The following ZDHHC18 variants were observed in gnomAD, a reference collection of about 807,000 sequenced individuals.
The protein encoded by ZDHHC18 is zDHHC palmitoyltransferase 18.
In ZDHHC18, 23 loss-of-function variants were observed where a neutral mutation model predicts 37.5. That is an observed-to-expected ratio of 0.61 (90% CI 0.44 to 0.87). ZDHHC18 has a LOEUF of 0.87. ZDHHC18 is among the 40% of genes least tolerant of loss of function. ZDHHC18 has a pLI of 0.00. For missense variants in ZDHHC18, 406 were observed against 525.6 expected (o/e 0.77, Z 2.22); for synonymous variants, 185 against 218.7 (o/e 0.85, Z 1.36).
rs553778937 is a variant in ZDHHC18, at chr1:26,833,418, TTTAGG to T, written c.496+813_496+817del. Among the ~76,000 whole-genome samples the T allele has an allele frequency of 2.3e-3, 345 of 152,044 alleles. 1 individual carries two copies. Among genetic ancestry groups the T allele is most frequent in the Non-Finnish European group, 4.1e-3 (280 of 67,966 alleles). Reference sequence around the variant, plus strand: ...CAGTAGGTGTTGGGGAGTGGGCTAGTTTAGGTCAGGTGGTCAGGGGAGACCTCTAG... The same window carrying T: ...CAGTAGGTGTTGGGGAGTGGGCTAGTTCAGGTGGTCAGGGGAGACCTCTAG... On this transcript the variant is annotated intron_variant, in intron 2 of 7. Coordinates refer to ENST00000374142, the MANE Select transcript of ZDHHC18 (RefSeq NM_032283.3).
intron 2 of ZDHHC18, among the ~76,000 whole-genome samples, chr1:26,837,272 A>G (rs1214637259): frequency 6.8e-6 from 1 of 146,946 alleles, no homozygotes; most frequent in Non-Finnish European, 1.5e-5. Context: ...ATATATATAT[A>G]TATATAAAAT....
intron 7 of ZDHHC18, 22 bp downstream of exon 7, chr1:26,852,887 G>T: frequency 6.2e-7 from 1 of 1,610,432 alleles, no homozygotes; most frequent in Non-Finnish European, 8.5e-7. Flanking sequence ...GGGTGCGGAA[G>T]AGGGGTAACA....
chr1:26,853,420 A>G (rs544506840), intron 7 of ZDHHC18, among the ~76,000 whole-genome samples: 1 of 152,248 alleles, frequency 6.6e-6, no homozygotes, highest in Admixed American at 6.5e-5. Context: ...TTTCATAGTC[A>G]TCAAATACCT....
intron 2 of ZDHHC18, among the ~76,000 whole-genome samples, chr1:26,835,565 G>A (rs2081607544): frequency 6.6e-6 from 1 of 152,148 alleles, no homozygotes; most frequent in Non-Finnish European, 1.5e-5. Context: ...GCTGGGCATG[G>A]TGGCGTGTGC....
chr1:26,837,669 G>A (rs558169275), intron 2 of ZDHHC18, among the ~76,000 whole-genome samples: 1 of 151,632 alleles, frequency 6.6e-6, no homozygotes, highest in Non-Finnish European at 1.5e-5. Flanking sequence ...TAGTAGAGAT[G>A]GGGTTTCACC....
chr1:26,849,552 G>A (rs570776633), intron 3 of ZDHHC18, among the ~76,000 whole-genome samples: 5 of 152,352 alleles, frequency 3.3e-5, no homozygotes, highest in African/African-American at 4.8e-5. Flanking sequence ...CCCCGCCCAC[G>A]CCGTGCAAAG....
chr1:26,854,028 G>C lies in ZDHHC18; in HGVS notation c.*185G>C. 1.6e-6 allele frequency: 1 copy of C among 614,726 alleles called. No homozygotes were observed. The highest frequency in any genetic ancestry group is 2.9e-6 in the Non-Finnish European group (1 of 349,766). 38.1% of individuals were successfully genotyped at this position (614,726 alleles called of 1,614,324 possible). On this transcript the variant is annotated 3_prime_UTR_variant, in exon 8 of 8. Coordinates refer to ENST00000374142, the MANE Select transcript of ZDHHC18 (RefSeq NM_032283.3). This position sits in a 1 kb window ranked among gnomAD's most constrained non-coding sequence, Gnocchi z 4.6. The stretch of plus-strand genomic sequence containing the variant: ...CTGTGCCCTCTGCTCCCCAAACCCA[G>C]GTTCCCACAGCCTTGGGCCCTAGGT...
At chr1:26,827,866 C>T (rs1029138811) in intron 1 of ZDHHC18, among the ~76,000 whole-genome samples, 12 of 152,152 alleles carry the variant, frequency 7.9e-5, no homozygotes, top group Non-Finnish European at 1.3e-4. Context: ...TCCCGCCCGC[C>T]TCCACCCAGC....
chr1:26,839,819 G>A (rs879413080), intron 2 of ZDHHC18, among the ~76,000 whole-genome samples: 1 of 152,228 alleles, frequency 6.6e-6, no homozygotes, highest in Admixed American at 6.5e-5. Context: ...GCAGGTTGAG[G>A]AGGATTCTGA....
rs568977019 is a variant in ZDHHC18 at position 26,835,784 on chromosome 1, G to A, written c.496+3177G>A. ...AACCTTTTCCAGAAGGTTGGGAGCT[G>A]TCTCTGAGGCAGGTGGTGCTGTTCA... On this transcript the variant is annotated intron_variant, in intron 2 of 7. Transcript: ENST00000374142. 3.9e-5 allele frequency among the ~76,000 whole-genome samples: 6 copies of A among 152,338 alleles called. No homozygotes were observed. The South Asian group carries it at 1.2e-3, about 32-fold the overall frequency.
At chr1:26,830,093 G>A (rs1250087235) in intron 1 of ZDHHC18, among the ~76,000 whole-genome samples, 2 of 152,212 alleles carry the variant, frequency 1.3e-5, no homozygotes, top group Admixed American at 6.5e-5. Flanking sequence ...CAGGGGAAGG[G>A]CTTCTCTGAA....
At chr1:26,835,439 A>T (rs568076823) in intron 2 of ZDHHC18, among the ~76,000 whole-genome samples, 37 of 152,334 alleles carry the variant, frequency 2.4e-4, no homozygotes, top group Non-Finnish European at 4.6e-4. Flanking sequence ...ACAGTGGCTC[A>T]CGCCTGTAAT....
Position 26,850,399 on chromosome 1 carries a change from G to A in ZDHHC18, c.745G>A (p.Ala249Thr). 6.2e-7 allele frequency: 1 copy of A among 1,614,234 alleles called. No individual in the cohort carries two copies. The highest frequency in any genetic ancestry group is 8.5e-7 in the Non-Finnish European group (1 of 1,180,040). ...TATTCTCTCCCTCTCATTCCTGACG[G>A]CCTTCATCTTCGCCTGTGTGGTCAC... Reference protein sequence around the residue: ...AFILSLSFLTAFIFACVVTHL... With the variant: ...AFILSLSFLTTFIFACVVTHL... The change falls in exon 4 of 8, where the codon GCC (alanine) becomes ACC (threonine). Residue 249 changes from alanine (A) to threonine (T), a missense_variant. Transcript: ENST00000374142. The surrounding 1 kb of genome is among the most constrained non-coding windows in gnomAD (Gnocchi z 6.1).
intron 2 of ZDHHC18, among the ~76,000 whole-genome samples, chr1:26,844,540 C>T (rs879647927): frequency 3.9e-4 from 60 of 152,168 alleles, no homozygotes; most frequent in Non-Finnish European, 5.6e-4. Flanking sequence ...TTTCAGAGCA[C>T]ATTATCTCAT....
At chr1:26,844,236 A>C (rs888248439) in intron 2 of ZDHHC18, among the ~76,000 whole-genome samples, 18 of 152,038 alleles carry the variant, frequency 1.2e-4, no homozygotes, top group Non-Finnish European at 2.4e-4. Context: ...ATGGGGTTTC[A>C]CCATGTTGGC....
chr1:26,836,369 G>A (rs1172783331), intron 2 of ZDHHC18, among the ~76,000 whole-genome samples: 1 of 152,006 alleles, frequency 6.6e-6, no homozygotes, highest in Admixed American at 6.6e-5. Context: ...AACAGGCCCT[G>A]ACTGGGCCTT....
At position 26,841,126 on chromosome 1, in the gene ZDHHC18, A is replaced by C. The variant is rs145881603; in HGVS notation, c.497-7482A>C. ...CGAGTAGCTGGGATTACAGGTGCAC[A>C]CCACCACACCTGGCTAATTTTTGTA... On this transcript the variant is annotated intron_variant, in intron 2 of 7. Transcript: ENST00000374142. Among the ~76,000 whole-genome samples the C allele has an allele frequency of 2.1e-3, 314 of 152,064 alleles. 3 individuals are homozygous for C. The East Asian group carries it at 0.023, about 11-fold the overall frequency.
In ZDHHC18 at chr1:26,856,605, G is replaced by T; in HGVS notation, c.*2762G>T. 1 of 160,952 alleles carries T rather than the reference G, an allele frequency of 6.2e-6. No homozygotes were observed. The highest frequency in any genetic ancestry group is 1.4e-5 in the Non-Finnish European group (1 of 72,414). 10.0% of individuals were successfully genotyped at this position (160,952 alleles called of 1,614,324 possible). Reference sequence around the variant, plus strand: ...TGCTGGTGGGGTCCTGGTATGCAGGGGCCACCGGTCACTAACACTCTTATG... The same window carrying T: ...TGCTGGTGGGGTCCTGGTATGCAGGTGCCACCGGTCACTAACACTCTTATG... On this transcript the variant is annotated 3_prime_UTR_variant, in exon 8 of 8. Coordinates refer to ENST00000374142, the MANE Select transcript of ZDHHC18 (RefSeq NM_032283.3). This position sits in a 1 kb window ranked among gnomAD's most constrained non-coding sequence, Gnocchi z 5.2.
In ZDHHC18 at chr1:26,826,982, G is replaced by C; in HGVS notation, c.178G>C (p.Gly60Arg). The C allele has an allele frequency of 1.6e-6, 2 of 1,224,456 alleles. No homozygotes were observed. Among genetic ancestry groups the C allele is most frequent in the Non-Finnish European group, 2.0e-6 (2 of 983,096 alleles). The allele number at this position is 1,224,456 out of a possible 1,614,324, so 75.8% of individuals were successfully genotyped here. A position where few individuals can be genotyped will look rare whatever the true frequency, so the allele number is the denominator to read the frequency against. The change falls in exon 1 of 8, where the codon GGG becomes CGG. Residue 60 changes from glycine to arginine, a missense_variant. Transcript: ENST00000374142. The surrounding 1 kb of genome is among the most constrained non-coding windows in gnomAD (Gnocchi z 5.2). ...CGGCAGCGGCAGCGGCAGCGGGAGCGGGAGCCTCGGCCGCCGCCCACGGCG... is the reference window on the plus strand; with the variant it reads ...CGGCAGCGGCAGCGGCAGCGGGAGCCGGAGCCTCGGCCGCCGCCCACGGCG... ...SSGSGSGSGSGSLGRRPRRKW... is the reference protein window; with the variant it reads ...SSGSGSGSGSRSLGRRPRRKW...
Sources: allele counts gnomAD v4.1 joint callset (sites outside exome capture counted in the v4.1 genomes callset), GRCh38; gene constraint gnomAD v4.1.1; non-coding constraint Gnocchi (gnomAD v3.1); transcripts MANE v1.5; gene names NCBI Gene and HGNC (gene_info 2026-07-23, HGNC 2026-07-21).